Variants in RASSF4 observed in about 807,000 individuals in gnomAD.
RASSF4 encodes Ras association domain family member 4.
RASSF4 carries 38 observed loss-of-function variants against 41.1 expected under a neutral mutation model. The ratio of observed to expected loss-of-function variants is 0.92; its 90% CI spans 0.71 to 1.21. The LOEUF (loss-of-function observed/expected upper bound fraction) is 1.21. Ranked by LOEUF, RASSF4 falls within the 50% of genes most tolerant of loss-of-function variation. The pLI is 0.00. For missense variants in RASSF4, 414 were observed against 419.4 expected, an observed-to-expected ratio of 0.99 and a Z score of 0.11; for synonymous variants, 179 against 163.4, an observed-to-expected ratio of 1.10 and a Z score of -0.73.
chr10:44,984,412 TC>T, intron 5 of RASSF4: 1 of 503,268 alleles, frequency 2.0e-6, no homozygotes, highest in African/African-American at 1.9e-5. Flanking sequence ...CACTGCGCTC[TC>T]CTGGCCCCTC....
Position 44,989,721 on chromosome 10 carries a change from G to T in RASSF4, c.685G>T (p.Glu229Ter). 6.2e-7 allele frequency: 1 copy of T among 1,613,870 alleles called. No individual in the cohort carries two copies. The highest frequency in any genetic ancestry group is 1.1e-5 in the South Asian group (1 of 91,082). Residue 229 changes from glutamate to a stop codon, truncating the protein, a stop_gained and splice_region_variant, in exon 8 of 11, where the codon GAG becomes TAG. Transcript: ENST00000340258. LOFTEE classifies it high-confidence loss of function. ...FALYIVHESG[E>*]RTKLKDCEYP... ...ACTCTACATCGTTCACGAGTCTGGG[G>T]GTAAGTACCTGCCCCACTTCTGGAT...
intron 3 of RASSF4, chr10:44,981,155 G>A (rs1004524968): frequency 1.3e-5 from 2 of 152,110 alleles, no homozygotes; most frequent in African/African-American, 4.8e-5. Context: ...AAGTTTCCAT[G>A]GCGTCCCTGT....
chr10:44,995,084 A>T lies in RASSF4; in HGVS notation c.*1755A>T, dbSNP rs1340701518. Reference sequence around the variant, plus strand: ...AGGGCCTAGGAGAGGGTACAAAACAAATCAAACAGGAGCTCCCAGGTAATT... The same window carrying T: ...AGGGCCTAGGAGAGGGTACAAAACATATCAAACAGGAGCTCCCAGGTAATT... On this transcript the variant is annotated 3_prime_UTR_variant, in exon 11 of 11. Transcript: ENST00000340258. 2 of 152,204 alleles carry T rather than the reference A, an allele frequency of 1.3e-5. No individual in the cohort carries two copies. Among genetic ancestry groups the T allele is most frequent in the Non-Finnish European group, 2.9e-5 (2 of 68,076 alleles). 9.4% of individuals were successfully genotyped at this position (152,204 alleles called of 1,614,324 possible). A position where few individuals can be genotyped will look rare whatever the true frequency, so the allele number is the denominator to read the frequency against.
Position 44,993,397 on chromosome 10 carries a change from C to A in RASSF4, c.*68C>A. ...GTGTACACTGAGCCCTGGTTGCTGG[C>A]CCCGGCCGGTCACATTGACTGATGG... On this transcript the variant is annotated 3_prime_UTR_variant, in exon 11 of 11. Transcript: ENST00000340258. The A allele has an allele frequency of 7.6e-7, 1 of 1,323,790 alleles. No homozygotes were observed. The highest frequency in any genetic ancestry group is 1.1e-6 in the Non-Finnish European group (1 of 952,032). 82.0% of individuals were successfully genotyped at this position (1,323,790 alleles called of 1,614,324 possible). A position where few individuals can be genotyped will look rare whatever the true frequency, so the allele number is the denominator to read the frequency against.
At position 44,991,976 on chromosome 10, in the gene RASSF4, A is replaced by G; in HGVS notation, c.879A>G (p.Glu293=). 6.2e-7 allele frequency: 1 copy of G among 1,611,550 alleles called. No homozygotes were observed. Among genetic ancestry groups the G allele is most frequent in the South Asian group, 1.1e-5 (1 of 91,034 alleles). ...TTGAAAAATTAAAAGAAGAGGAAGAAAGAGAAATAATCAAACTGACCATGA... is the reference window on the plus strand; with the variant it reads ...TTGAAAAATTAAAAGAAGAGGAAGAGAGAGAAATAATCAAACTGACCATGA... The part of the protein sequence containing the change: ...SFVEKLKEEE[E]REIIKLTMKF... Residue 293 remains glutamate (E), a synonymous_variant, in exon 10 of 11, where the codon GAA becomes GAG. Coordinates refer to ENST00000340258, the MANE Select transcript of RASSF4 (RefSeq NM_032023.4).
chr10:44,972,535 C>A (rs1564455038), intron 3 of RASSF4, among the ~76,000 whole-genome samples: 1 of 152,236 alleles, frequency 6.6e-6, no homozygotes, highest in African/African-American at 2.4e-5. Context: ...GGGCTAAATA[C>A]ATGTCTGATG....
chr10:44,988,332 G>T (rs547688075), intron 6 of RASSF4, among the ~76,000 whole-genome samples: 1 of 152,134 alleles, frequency 6.6e-6, no homozygotes, highest in African/African-American at 2.4e-5. Flanking sequence ...AAATCTTAGC[G>T]GGTTCAATAC....
chr10:44,975,434 T>TCCACCC (rs1841371581), intron 3 of RASSF4, among the ~76,000 whole-genome samples: 1 of 108,048 alleles, frequency 9.3e-6, no homozygotes, highest in African/African-American at 3.6e-5. Flanking sequence ...ATCCCCACCT[T>TCCACCC]CCACCCCCAC....
chr10:44,989,312 T>C lies in RASSF4; in HGVS notation c.570T>C (p.Asn190=), dbSNP rs767688653. 1.2e-6 allele frequency: 2 copies of C among 1,613,860 alleles called. No individual in the cohort carries two copies. The highest frequency in any genetic ancestry group is 1.7e-4 in the Middle Eastern group (1 of 6,060). Residue 190 remains asparagine (N), a synonymous_variant, in exon 7 of 11, where the codon AAT becomes AAC. Coordinates refer to ENST00000340258, the MANE Select transcript of RASSF4 (RefSeq NM_032023.4). ...VFTPAYGSVT[N]VRVNSTMTTL... ...CTCCAGCCTATGGATCCGTGACCAA[T>C]GTGAGGGTCAACAGCACCATGACAA...
intron 1 of RASSF4, among the ~76,000 whole-genome samples, chr10:44,968,829 G>C (rs1430893826): frequency 6.6e-6 from 1 of 152,234 alleles, no homozygotes; most frequent in Admixed American, 6.5e-5. Context: ...TGAATGAGCA[G>C]AGCTCTGTCG....
intron 3 of RASSF4, among the ~76,000 whole-genome samples, chr10:44,979,131 C>T (rs1841592926): frequency 6.6e-6 from 1 of 152,146 alleles, no homozygotes; most frequent in African/African-American, 2.4e-5. Context: ...TACACCACCC[C>T]ATCATGACTC....
At chr10:44,982,060 CAG>C (rs1461108846) in intron 3 of RASSF4, 17 of 212,704 alleles carry the variant, frequency 8.0e-5, no homozygotes, top group African/African-American at 3.8e-4. Flanking sequence ...ACAGCTAGGA[CAG>C]AGAGTGCCCA....
chr10:44,969,382 G>A (rs1020988722), intron 1 of RASSF4, among the ~76,000 whole-genome samples: 4 of 152,098 alleles, frequency 2.6e-5, no homozygotes, highest in Non-Finnish European at 5.9e-5. Flanking sequence ...TGTGAACCGC[G>A]TGTGTGTGGA....
chr10:44,970,452 T>C (rs1841104867), intron 2 of RASSF4, 188 bp downstream of exon 2: 4 of 581,942 alleles, frequency 6.9e-6, no homozygotes, highest in Non-Finnish European at 3.1e-6. Context: ...CACATGACCA[T>C]GGCTGGGAGG....
Position 44,977,668 on chromosome 10 carries a change from G to T in RASSF4, c.139-4853G>T, listed in dbSNP as rs776419897. ...CAGAGGGGCCAGTCCTCCTTGGCAG[G>T]TCCCTCTGGCTTGGCTGCTTTTCCT... On this transcript the variant is annotated intron_variant, in intron 3 of 10. Coordinates refer to ENST00000340258, the MANE Select transcript of RASSF4 (RefSeq NM_032023.4). 3.7e-6 allele frequency: 6 copies of T among 1,613,006 alleles called. No individual in the cohort carries two copies. In the Admixed American group the frequency reaches 6.7e-5, roughly 18 times the overall value.
intron 1 of RASSF4, 92 bp from the exon 2 acceptor site, chr10:44,970,073 C>T (rs1246658028): frequency 1.8e-5 from 14 of 763,066 alleles, no homozygotes; most frequent in South Asian, 9.5e-5. Flanking sequence ...CCAAGGCCGA[C>T]GGTGTCTGTG....
intron 2 of RASSF4, chr10:44,970,482 G>A (rs1588798240): frequency 5.4e-6 from 3 of 557,700 alleles, no homozygotes; most frequent in Middle Eastern, 4.7e-4. Context: ...TAGAAAAGAG[G>A]CTCCAGATGG....
intron 3 of RASSF4, chr10:44,977,046 T>C (rs1377036646): frequency 5.3e-6 from 1 of 187,346 alleles, no homozygotes; most frequent in African/African-American, 2.3e-5. Context: ...ACTCAGCCAG[T>C]GGGCTCCTAT....
chr10:44,992,008 C>G lies in RASSF4; in HGVS notation c.905+6C>G, dbSNP rs753529607. On this transcript the variant is annotated splice_donor_region_variant and intron_variant, in intron 10 of 10. Transcript: ENST00000340258. ...ATAATCAAACTGACCATGAAGTAAGCAGCACTTAAACAGACAGTCATGGGT... is the reference window on the plus strand; with the variant it reads ...ATAATCAAACTGACCATGAAGTAAGGAGCACTTAAACAGACAGTCATGGGT... The G allele has an allele frequency of 2.0e-5, 32 of 1,572,896 alleles. No individual in the cohort carries two copies. The highest frequency in any genetic ancestry group is 2.8e-5 in the Non-Finnish European group (32 of 1,143,162).
Sources: allele counts gnomAD v4.1 joint callset (sites outside exome capture counted in the v4.1 genomes callset), GRCh38; gene constraint gnomAD v4.1.1; transcripts MANE v1.5; gene names NCBI Gene and HGNC (gene_info 2026-07-23, HGNC 2026-07-21).